Variants in KCTD8 observed in about 807,000 individuals in gnomAD.
The protein encoded by KCTD8 is BTB/POZ domain-containing protein KCTD8.
KCTD8 carries 27 observed loss-of-function variants against 31.5 expected under a neutral mutation model. The ratio of observed to expected loss-of-function variants is 0.86; its 90% CI spans 0.63 to 1.18. The LOEUF is 1.18. KCTD8 is among the 50% of genes most tolerant of loss of function. KCTD8 has a pLI of 0.00. For synonymous variants in KCTD8, 290 were observed against 280.0 expected, an observed-to-expected ratio of 1.04 and a Z score of -0.36; for missense variants, 658 against 647.7, an observed-to-expected ratio of 1.02 and a Z score of -0.17.
rs529574234 is a variant in KCTD8 at position 44,266,473 on chromosome 4, A to C, written c.962-91223T>G. ...TGTAAAGATCATCGAGTCTAGGAAG[A>C]AACTGCATCAACTAACGAGCAAAAT... On this transcript the variant is annotated intron_variant, in intron 1 of 1. Coordinates refer to ENST00000360029, the MANE Select transcript of KCTD8 (RefSeq NM_198353.3). Among the ~76,000 whole-genome samples, 5 of 152,378 alleles carry C rather than the reference A, an allele frequency of 3.3e-5. No homozygotes were observed. In the East Asian group the frequency reaches 7.7e-4, roughly 23 times the overall value.
intron 1 of KCTD8, among the ~76,000 whole-genome samples, chr4:44,296,831 A>C (rs893183149): frequency 6.6e-6 from 1 of 152,036 alleles, no homozygotes; most frequent in African/African-American, 2.4e-5. Flanking sequence ...ACTGCCTCTG[A>C]AAAACCTCAA....
At chr4:44,425,596 T>G (rs1721326523) in intron 1 of KCTD8, among the ~76,000 whole-genome samples, 1 of 151,980 alleles carries the variant, frequency 6.6e-6, no homozygotes. Flanking sequence ...AGGCAGTAGT[T>G]GATGAATGTT....
intron 1 of KCTD8, among the ~76,000 whole-genome samples, chr4:44,182,026 T>C (rs1326452985): frequency 9.2e-5 from 12 of 130,182 alleles, no homozygotes; most frequent in East Asian, 2.5e-4. Context: ...GCAGCTGCCC[T>C]GTCTGAGAAG....
At chr4:44,246,551 ATTC>A (rs911967173) in intron 1 of KCTD8, among the ~76,000 whole-genome samples, 1 of 151,980 alleles carries the variant, frequency 6.6e-6, no homozygotes, top group African/African-American at 2.4e-5. Context: ...ATTTTCTCCT[ATTC>A]TGAAAATTAA....
intron 1 of KCTD8, among the ~76,000 whole-genome samples, chr4:44,308,849 T>G (rs1391813696): frequency 1.3e-5 from 2 of 152,138 alleles, no homozygotes; most frequent in African/African-American, 4.8e-5. Flanking sequence ...TTTTACAGTA[T>G]AGTTATAAAT....
In KCTD8 at chr4:44,357,500, A is replaced by C. The variant is rs369955231; in HGVS notation, c.961+90063T>G. On this transcript the variant is annotated intron_variant, in intron 1 of 1. Coordinates refer to ENST00000360029, the MANE Select transcript of KCTD8 (RefSeq NM_198353.3). ...AGACCAAAAATCTAAAGTGTATTAT[A>C]AGAATATTTCAGAGTGTGAAGGGTC... Among the ~76,000 whole-genome samples the C allele has an allele frequency of 7.3e-4, 111 of 152,332 alleles. 4 individuals are homozygous for C. In the South Asian group the frequency reaches 0.023, roughly 31 times the overall value.
At chr4:44,216,737 T>C (rs184134471) in intron 1 of KCTD8, among the ~76,000 whole-genome samples, 170 of 152,342 alleles carry the variant, frequency 1.1e-3, no homozygotes, top group Admixed American at 4.3e-3. Flanking sequence ...TTCACATACA[T>C]TGAAGTCATC....
chr4:44,236,210 G>T (rs1388388081), intron 1 of KCTD8, among the ~76,000 whole-genome samples: 3 of 152,178 alleles, frequency 2.0e-5, no homozygotes, highest in African/African-American at 7.2e-5. Context: ...ATTCTCCCAT[G>T]CTCCCAATAT....
chr4:44,395,885 T>C (rs1234755578), intron 1 of KCTD8, among the ~76,000 whole-genome samples: 1 of 152,238 alleles, frequency 6.6e-6, no homozygotes, highest in Non-Finnish European at 1.5e-5. Context: ...ACTGGTGTTG[T>C]GGAAGACAAT....
intron 1 of KCTD8, among the ~76,000 whole-genome samples, chr4:44,317,236 T>TTTTTTTTTTTC (rs1718159400): frequency 1.7e-5 from 1 of 59,252 alleles, no homozygotes; most frequent in South Asian, 6.5e-4. Context: ...TTCTTTTTTT[T>TTTTTTTTTTTC]TTTTTTTTTT....
intron 1 of KCTD8, among the ~76,000 whole-genome samples, chr4:44,215,651 T>G (rs1714626336): frequency 6.6e-6 from 1 of 152,224 alleles, no homozygotes; most frequent in South Asian, 2.1e-4. Context: ...ATCATGACTT[T>G]TAGCCAAGGT....
chr4:44,217,660 A>G (rs1036879657), intron 1 of KCTD8, among the ~76,000 whole-genome samples: 5 of 152,178 alleles, frequency 3.3e-5, no homozygotes, highest in African/African-American at 1.2e-4. Context: ...CAGTGCGGCT[A>G]GAACAAAACA....
At chr4:44,353,637 C>G (rs75727806) in intron 1 of KCTD8, among the ~76,000 whole-genome samples, 15,145 of 152,070 alleles carry the variant, frequency 0.1, 838 homozygotes, top group African/African-American at 0.14. Context: ...CCTTCCCAGC[C>G]TCTGGTCACC....
intron 1 of KCTD8, among the ~76,000 whole-genome samples, chr4:44,382,313 A>T (rs1160884373): frequency 6.6e-6 from 1 of 152,066 alleles, no homozygotes; most frequent in African/African-American, 2.4e-5. Context: ...CTTCATGAAA[A>T]CAGCTCTCAA....
intron 1 of KCTD8, among the ~76,000 whole-genome samples, chr4:44,361,937 G>A (rs1205042528): frequency 6.6e-6 from 1 of 152,114 alleles, no homozygotes; most frequent in East Asian, 1.9e-4. Context: ...TCATAAGAAA[G>A]TAAAAATCTC....
At chr4:44,187,375 C>T (rs1713619551) in intron 1 of KCTD8, among the ~76,000 whole-genome samples, 1 of 152,122 alleles carries the variant, frequency 6.6e-6, no homozygotes, top group Admixed American at 6.5e-5. Flanking sequence ...CCCATGGAAG[C>T]TAGGATTCTA....
At chr4:44,207,254 A>C (rs1714341208) in intron 1 of KCTD8, among the ~76,000 whole-genome samples, 1 of 152,222 alleles carries the variant, frequency 6.6e-6, no homozygotes, top group South Asian at 2.1e-4. Context: ...ATGCAGTGCA[A>C]ATGGTGAAGT....
At chr4:44,289,583 A>G (rs1252424106) in intron 1 of KCTD8, among the ~76,000 whole-genome samples, 3 of 152,118 alleles carry the variant, frequency 2.0e-5, no homozygotes, top group African/African-American at 7.2e-5. Context: ...CTCCTGGGGA[A>G]GGGCTGAGTG....
chr4:44,285,802 C>T (rs867588885), intron 1 of KCTD8, among the ~76,000 whole-genome samples: 7 of 152,008 alleles, frequency 4.6e-5, no homozygotes, highest in African/African-American at 1.2e-4. Context: ...ATAAGATTAA[C>T]GGCTGCTAAA....
Sources: gnomAD v4.1 joint callset for allele counts (sites outside exome capture counted in the v4.1 genomes callset) on GRCh38, gnomAD v4.1.1 for gene constraint, MANE v1.5 for transcripts, NCBI Gene and HGNC (gene_info 2026-07-23, HGNC 2026-07-21) for gene names.